WASHC2C: variants seen among roughly 807,000 people sequenced by gnomAD.
The protein encoded by WASHC2C is Vaccinia Penetration Factor.
WASHC2C carries 73 observed loss-of-function variants against 142.2 expected under a neutral mutation model. That is an observed-to-expected ratio of 0.51 (90% confidence interval 0.43 to 0.62). The LOEUF (loss-of-function observed/expected upper bound fraction) is 0.62, where lower values mean the gene tolerates loss of function less well. Among genes scored for constraint, WASHC2C ranks in the 20% least tolerant of loss-of-function variants. The pLI is 0.00. For synonymous variants in WASHC2C, 337 were observed against 565.5 expected (o/e 0.60, Z 5.73); for missense variants, 969 against 1,531.7 (o/e 0.63, Z 6.13).
chr10:45,735,796 G>A (rs143230721), intron 3 of WASHC2C, among the ~76,000 whole-genome samples: 2,065 of 152,222 alleles, frequency 0.014, 40 homozygotes, highest in African/African-American at 0.046. Context: ...CTTAAAGATG[G>A]GTGGACAGGA....
chr10:45,789,846 T>A (rs2058292653), intron 29 of WASHC2C, among the ~76,000 whole-genome samples: 1 of 147,276 alleles, frequency 6.8e-6, no homozygotes, highest in East Asian at 1.9e-4. Context: ...GAGTTTAACC[T>A]CTGGTTCTGG....
At chr10:45,764,082 A>C (rs2055479835) in intron 18 of WASHC2C, among the ~76,000 whole-genome samples, 1 of 151,018 alleles carries the variant, frequency 6.6e-6, no homozygotes. Context: ...TTGACCCTTT[A>C]ACAGTGTGGA....
At chr10:45,762,457 A>G (rs1554880394) in intron 17 of WASHC2C, among the ~76,000 whole-genome samples, 2 of 151,926 alleles carry the variant, frequency 1.3e-5, no homozygotes, top group African/African-American at 4.8e-5. Context: ...CAGCCTCCCA[A>G]AATGCTGGGA....
chr10:45,737,085 C>T (rs1317530907), intron 3 of WASHC2C, among the ~76,000 whole-genome samples: 14 of 150,168 alleles, frequency 9.3e-5, no homozygotes, highest in African/African-American at 3.4e-4. Flanking sequence ...CTCAAGAGTT[C>T]CTCCTGACTA....
chr10:45,752,648 G>A lies in WASHC2C; in HGVS notation c.1064G>A (p.Gly355Asp). 1 of 1,609,870 alleles carries A rather than the reference G, an allele frequency of 6.2e-7. No individual in the cohort carries two copies. Among genetic ancestry groups the A allele is most frequent in the Non-Finnish European group, 8.5e-7 (1 of 1,178,916 alleles). ...ACCGACGAGGACTTCTCGCCATTTG[G>A]CTCTGGAGGTGGCCTGTTCAGTGGC... ...KLTDEDFSPF[G>D]SGGGLFSGGK... is the part of the protein sequence containing the mutation. Residue 355 changes from glycine (G) to aspartate (D), a missense_variant, in exon 12 of 31, where the codon GGC becomes GAC. Physicochemically the swap from Gly to Asp is moderately conservative, Grantham distance 94 (BLOSUM62 -1). Coordinates refer to ENST00000623400, the MANE Select transcript of WASHC2C (RefSeq NM_001330074.2).
rs1554875388 is a variant in WASHC2C, at chr10:45,752,699, A to C, written c.1115A>C (p.Asp372Ala). 6.2e-7 allele frequency: 1 copy of C among 1,609,684 alleles called. No individual in the cohort carries two copies. Among genetic ancestry groups the C allele is most frequent in the African/African-American group, 1.4e-5 (1 of 73,822 alleles). Reference sequence around the variant, plus strand: ...GGCAAGGGGCTATTTGATGATGAGGACGAGGAGGTGAGTCCATGGCACCCA... The same window carrying C: ...GGCAAGGGGCTATTTGATGATGAGGCCGAGGAGGTGAGTCCATGGCACCCA... ...SGGKGLFDDE[D>A]EESDLFTEAS... The change falls in exon 12 of 31, where the codon GAC (aspartate) becomes GCC (alanine). Residue 372 changes from aspartate to alanine, a missense_variant. Transcript: ENST00000623400.
intron 8 of WASHC2C, among the ~76,000 whole-genome samples, chr10:45,749,518 C>T (rs1554872965): frequency 6.6e-6 from 1 of 150,890 alleles, no homozygotes; most frequent in African/African-American, 2.4e-5. Context: ...CTTGTTGTTA[C>T]ATTCTTATAA....
chr10:45,750,894 C>G, intron 10 of WASHC2C, 56 bp downstream of exon 10: 2 of 1,465,798 alleles, frequency 1.4e-6, no homozygotes, highest in South Asian at 1.3e-5. Context: ...GGGCCCTCTG[C>G]TGGCTTCACC....
chr10:45,749,338 G>A (rs533070234), intron 8 of WASHC2C, among the ~76,000 whole-genome samples: 1 of 151,244 alleles, frequency 6.6e-6, no homozygotes, highest in Non-Finnish European at 1.5e-5. Flanking sequence ...AGAGGGCTGA[G>A]GCAGGAGAAT....
At chr10:45,739,804 G>C (rs1229390123) in intron 4 of WASHC2C, among the ~76,000 whole-genome samples, 33 of 152,180 alleles carry the variant, frequency 2.2e-4, no homozygotes, top group African/African-American at 7.7e-4. Flanking sequence ...CCACACACTA[G>C]TTGTACCTCT....
intron 27 of WASHC2C, 107 bp from the exon 28 acceptor site, chr10:45,786,928 C>A (rs1554890429): frequency 6.2e-7 from 1 of 1,610,882 alleles, no homozygotes. Context: ...TTTCTCTACT[C>A]CTCTCGTATT....
At chr10:45,757,172 T>C (rs2054411919) in intron 16 of WASHC2C, 33 bp downstream of exon 16, 3 of 1,610,898 alleles carry the variant, frequency 1.9e-6, no homozygotes, top group South Asian at 1.1e-5. Context: ...CGCAGGAGCA[T>C]TGATCTGCAG....
chr10:45,742,726 G>A (rs2134325811), intron 5 of WASHC2C, among the ~76,000 whole-genome samples: 1 of 152,056 alleles, frequency 6.6e-6, no homozygotes, highest in Admixed American at 6.5e-5. Context: ...TCCTCTTCTT[G>A]GACCTTATAC....
rs2058435545 is a variant in WASHC2C at position 45,792,262 on chromosome 10, T to C, written c.3888T>C (p.Asp1296=). ...TGTTTTTCTTTTTTCTTTCTAAAGATGACATCTTCTCCACTGGTATCCAGG... is the reference window on the plus strand; with the variant it reads ...TGTTTTTCTTTTTTCTTTCTAAAGACGACATCTTCTCCACTGGTATCCAGG... The part of the protein sequence containing the change: ...EAKSIFDDDM[D]DIFSTGIQAK... The change falls in exon 31 of 31, where the codon GAT becomes GAC. Residue 1296 remains aspartate (D), a splice_region_variant and synonymous_variant. Coordinates refer to ENST00000623400, the MANE Select transcript of WASHC2C (RefSeq NM_001330074.2). The C allele has an allele frequency of 6.4e-7, 1 of 1,563,650 alleles. No homozygotes were observed. Among genetic ancestry groups the C allele is most frequent in the African/African-American group, 1.4e-5 (1 of 72,560 alleles).
intron 16 of WASHC2C, among the ~76,000 whole-genome samples, chr10:45,758,788 C>T (rs1589758609): frequency 1.3e-5 from 2 of 149,948 alleles, no homozygotes; most frequent in South Asian, 4.2e-4. Context: ...TTTGTGGAGA[C>T]GGGTTTTGCC....
intron 3 of WASHC2C, among the ~76,000 whole-genome samples, chr10:45,734,359 C>CTGTGTG (rs139735516): frequency 0.012 from 1,738 of 148,128 alleles, 16 homozygotes; most frequent in South Asian, 0.027. Flanking sequence ...TTCTAGATGA[C>CTGTGTG]TGTGTGTGTG....
chr10:45,787,243 A>C lies in WASHC2C; in HGVS notation c.3083A>C (p.Asn1028Thr), dbSNP rs1554890678. The change falls in exon 28 of 31, where the codon AAC becomes ACC. Residue 1028 changes from asparagine to threonine, a missense_variant. Physicochemically the swap from Asn to Thr is moderately conservative, Grantham distance 65. Coordinates refer to ENST00000623400, the MANE Select transcript of WASHC2C (RefSeq NM_001330074.2). Reference sequence around the variant, plus strand: ...CAGGCAGACACCTTACACAGTGCAAACAAGGTGATGAAACCATCTTTGCTT... The same window carrying C: ...CAGGCAGACACCTTACACAGTGCAACCAAGGTGATGAAACCATCTTTGCTT... ...PAQADTLHSA[N>T]KSRVKMRGKR... 3 of 1,427,082 alleles carry C rather than the reference A, an allele frequency of 2.1e-6. No homozygotes were observed. The highest frequency in any genetic ancestry group is 2.9e-6 in the Non-Finnish European group (3 of 1,039,116). The allele number at this position is 1,427,082 out of a possible 1,614,324, so 88.4% of individuals were successfully genotyped here.
intron 8 of WASHC2C, among the ~76,000 whole-genome samples, chr10:45,749,813 A>T (rs2596961): frequency 1.4e-5 from 2 of 140,066 alleles, no homozygotes; most frequent in Admixed American, 7.2e-5. Context: ...GCCACAGAGC[A>T]AGACTCCATC....
At chr10:45,768,909 C>A (rs1248683953) in intron 19 of WASHC2C, among the ~76,000 whole-genome samples, 2 of 151,844 alleles carry the variant, frequency 1.3e-5, no homozygotes, top group Non-Finnish European at 2.9e-5. Context: ...GAAGAGACAT[C>A]GTGGCAGGTG....
Sources: gnomAD v4.1 joint callset for allele counts (sites outside exome capture counted in the v4.1 genomes callset) on GRCh38, gnomAD v4.1.1 for gene constraint, MANE v1.5 for transcripts, NCBI Gene and HGNC (gene_info 2026-07-23, HGNC 2026-07-21) for gene names.